The following POU2AF2 variants were observed in gnomAD, a reference collection of about 807,000 sequenced individuals.
POU2AF2 encodes POU domain class 2-associating factor 2.
At chr11:111,255,869 C>A in the POU2AF2 span, 1 of 396,456 alleles carries the variant, frequency 2.5e-6, no homozygotes. Flanking sequence ...TCCAGGAATT[C>A]TATCATTCTA....
chr11:111,281,207 G>T, the POU2AF2 span, among the ~76,000 whole-genome samples: 1 of 152,178 alleles, frequency 6.6e-6, no homozygotes, highest in Non-Finnish European at 1.5e-5. Flanking sequence ...AAGTGTGGTT[G>T]CTCTTTGTCC....
the POU2AF2 span, among the ~76,000 whole-genome samples, chr11:111,262,303 A>AG: frequency 6.6e-6 from 1 of 152,212 alleles, no homozygotes; most frequent in Non-Finnish European, 1.5e-5. Context: ...ACATAGAGCA[A>AG]TTGCCATAAA....
the POU2AF2 span, chr11:111,284,461 T>A: frequency 6.9e-7 from 1 of 1,447,918 alleles, no homozygotes; most frequent in South Asian, 1.4e-5. Flanking sequence ...GGCATCCGGG[T>A]TGAAGCCAGG....
the POU2AF2 span, among the ~76,000 whole-genome samples, chr11:111,272,980 C>G: frequency 1.3e-5 from 2 of 152,162 alleles, no homozygotes; most frequent in South Asian, 4.1e-4. Flanking sequence ...TTTTCTGATG[C>G]ATAGTAGATG....
the POU2AF2 span, among the ~76,000 whole-genome samples, chr11:111,276,453 AAT>A: frequency 1.9e-3 from 72 of 37,640 alleles, no homozygotes; most frequent in African/African-American, 6.4e-3. Flanking sequence ...AAAAAAAAAA[AAT>A]ATATATATAT....
At chr11:111,245,975 G>T in the POU2AF2 span, 3 of 393,180 alleles carry the variant, frequency 7.6e-6, no homozygotes, top group East Asian at 1.1e-4. Flanking sequence ...TCCTAACTCT[G>T]GCATAGAACA....
the POU2AF2 span, among the ~76,000 whole-genome samples, chr11:111,256,698 C>A: frequency 7.9e-5 from 12 of 152,188 alleles, no homozygotes; most frequent in African/African-American, 2.9e-4. Flanking sequence ...AGCCAGCAGG[C>A]GCGCCAGGAG....
the POU2AF2 span, among the ~76,000 whole-genome samples, chr11:111,250,160 C>T: frequency 2.2e-4 from 34 of 152,212 alleles, no homozygotes; most frequent in African/African-American, 7.5e-4. Context: ...TCTTATTAAT[C>T]ATAGTGCTGT....
At chr11:111,261,488 C>G in the POU2AF2 span, among the ~76,000 whole-genome samples, 1 of 152,040 alleles carries the variant, frequency 6.6e-6, no homozygotes, top group Non-Finnish European at 1.5e-5. Flanking sequence ...ATTTTCAGAC[C>G]ATTGTTCCTT....
the POU2AF2 span, among the ~76,000 whole-genome samples, chr11:111,274,347 T>TTA: frequency 2.0e-5 from 3 of 152,248 alleles, no homozygotes; most frequent in Admixed American, 6.5e-5. Flanking sequence ...GCAGCATTAA[T>TTA]TATATATATA....
chr11:111,264,999 A>G, the POU2AF2 span, among the ~76,000 whole-genome samples: 13 of 152,014 alleles, frequency 8.6e-5, no homozygotes, highest in Non-Finnish European at 1.3e-4. Context: ...GGAAAGAGAA[A>G]AAGACTTCTT....
chr11:111,264,234 G>A, the POU2AF2 span, among the ~76,000 whole-genome samples: 4 of 152,012 alleles, frequency 2.6e-5, no homozygotes, highest in Non-Finnish European at 5.9e-5. Context: ...AGTGGCTCAC[G>A]TCTGTAATCC....
the POU2AF2 span, among the ~76,000 whole-genome samples, chr11:111,267,277 G>A: frequency 6.6e-6 from 1 of 152,126 alleles, no homozygotes; most frequent in African/African-American, 2.4e-5. Context: ...ACTGAATAGA[G>A]TCCCTCTTGG....
At chr11:111,271,263 C>T in the POU2AF2 span, among the ~76,000 whole-genome samples, 4 of 151,780 alleles carry the variant, frequency 2.6e-5, no homozygotes, top group Non-Finnish European at 4.4e-5. Flanking sequence ...CCAGAGGTTG[C>T]AGTGAGCCGG....
the POU2AF2 span, among the ~76,000 whole-genome samples, chr11:111,264,954 GAGGA>G: frequency 4.6e-4 from 66 of 144,624 alleles, no homozygotes; most frequent in African/African-American, 7.9e-4. Flanking sequence ...GAGGGAGGGA[GAGGA>G]AGGAAGGAAG....
the POU2AF2 span, among the ~76,000 whole-genome samples, chr11:111,257,406 C>T: frequency 2.7e-5 from 4 of 149,824 alleles, no homozygotes; most frequent in East Asian, 7.8e-4. Context: ...GTTGCCCAGG[C>T]TGGTGTGCAG....
chr11:111,280,867 G>T, the POU2AF2 span, among the ~76,000 whole-genome samples: 1 of 152,194 alleles, frequency 6.6e-6, no homozygotes, highest in African/African-American at 2.4e-5. Context: ...GAAGGCGAAA[G>T]AAATTCATGC....
chr11:111,277,948 C>T, the POU2AF2 span, among the ~76,000 whole-genome samples: 1 of 152,218 alleles, frequency 6.6e-6, no homozygotes. Flanking sequence ...TGCCCAAATA[C>T]AAGTGCATCT....
chr11:111,276,449 AAAAAATATATATAT>A, the POU2AF2 span, among the ~76,000 whole-genome samples: 14,839 of 49,714 alleles, frequency 0.3, 1,459 homozygotes, highest in Non-Finnish European at 0.39. Context: ...GAAAAAAAAA[AAAAAATATATATAT>A]ATATATATAT....
Sources: gnomAD v4.1 joint callset for allele counts (sites outside exome capture counted in the v4.1 genomes callset) on GRCh38, gnomAD v4.1.1 for gene constraint, MANE v1.5 for transcripts, NCBI Gene and HGNC (gene_info 2026-07-23, HGNC 2026-07-21) for gene names.